Variants in TMEFF2 observed in about 807,000 individuals in gnomAD.
TMEFF2 encodes transmembrane protein with EGF like and two follistatin like domains 2, also known as tomoregulin-2.
In TMEFF2, 28 loss-of-function variants were observed where a neutral mutation model predicts 53.8. The observed-to-expected ratio is 0.52, with a 90% CI of 0.39 to 0.71. The LOEUF is 0.71. Among genes scored for constraint, TMEFF2 ranks in the 30% least tolerant of loss-of-function variants. The pLI, the probability that TMEFF2 is intolerant of heterozygous loss-of-function variation, is 0.00. For synonymous variants in TMEFF2, 162 were observed against 166.3 expected (o/e 0.97, Z 0.20); for missense variants, 353 against 455.2 (o/e 0.78, Z 2.04).
Position 192,132,101 on chromosome 2 carries a change from C to T in TMEFF2, c.439+47567G>A, listed in dbSNP as rs573673119. Among the ~76,000 whole-genome samples, 74 of 151,882 alleles carry T rather than the reference C, an allele frequency of 4.9e-4. 1 individual carries two copies. The highest frequency in any genetic ancestry group is 3.4e-3 in the Middle Eastern group (1 of 294). On this transcript the variant is annotated intron_variant, in intron 4 of 9. Coordinates refer to ENST00000272771, the MANE Select transcript of TMEFF2 (RefSeq NM_016192.4). ...TTTCTACAGACCCATCTGACCTCTC[C>T]CCTCCTCGCCAGGCCAAGCTAGGCC...
At chr2:191,970,278 G>C (rs1434698634) in intron 7 of TMEFF2, among the ~76,000 whole-genome samples, 1 of 151,748 alleles carries the variant, frequency 6.6e-6, no homozygotes, top group Non-Finnish European at 1.5e-5. Context: ...GGAACCAATA[G>C]TTTATTGGTT....
chr2:192,165,696 C>G (rs374462443), intron 4 of TMEFF2, among the ~76,000 whole-genome samples: 3 of 151,116 alleles, frequency 2.0e-5, no homozygotes, highest in African/African-American at 7.3e-5. Context: ...CCCCAGGGAA[C>G]AGTAGGCAAC....
intron 4 of TMEFF2, among the ~76,000 whole-genome samples, chr2:192,139,766 A>G (rs1275614761): frequency 6.6e-6 from 1 of 152,132 alleles, no homozygotes; most frequent in African/African-American, 2.4e-5. Flanking sequence ...TATAAATCAC[A>G]CTTTAAAAAT....
At chr2:192,112,512 A>T (rs1689305728) in intron 4 of TMEFF2, among the ~76,000 whole-genome samples, 1 of 152,168 alleles carries the variant, frequency 6.6e-6, no homozygotes, top group Admixed American at 6.6e-5. Flanking sequence ...TTTTGATTTT[A>T]CAGGCTCATA....
intron 4 of TMEFF2, among the ~76,000 whole-genome samples, chr2:192,078,810 T>C (rs544574710): frequency 6.6e-6 from 1 of 152,314 alleles, no homozygotes. Context: ...TTCTCAAACT[T>C]AAGAGCACAC....
chr2:192,075,332 T>TACACACAC lies in TMEFF2; in HGVS notation c.440-17558_440-17557insGTGTGTGT, dbSNP rs1553518845. On this transcript the variant is annotated intron_variant, in intron 4 of 9. Coordinates refer to ENST00000272771, the MANE Select transcript of TMEFF2 (RefSeq NM_016192.4). The stretch of plus-strand genomic sequence containing the variant: ...ATATATATATATATATATATATATA[T>TACACACAC]ACATACATACTATGTATATCCTTGC... Among the ~76,000 whole-genome samples the TACACACAC allele has an allele frequency of 1.2e-3, 109 of 88,138 alleles. 2 individuals carry two copies. Among genetic ancestry groups the TACACACAC allele is most frequent in the East Asian group, 2.9e-3 (4 of 1,356 alleles). The allele number at this position is 88,138 out of a possible 152,430, so 57.8% of individuals were successfully genotyped here. A position where few individuals can be genotyped will look rare whatever the true frequency, so the allele number is the denominator to read the frequency against.
At chr2:191,957,835 AT>A (rs536294270) in intron 7 of TMEFF2, among the ~76,000 whole-genome samples, 1 of 152,258 alleles carries the variant, frequency 6.6e-6, no homozygotes, top group Non-Finnish European at 1.5e-5. Flanking sequence ...ATGGTTGGTG[AT>A]TTTTTTGTTT....
At chr2:191,997,342 T>A (rs1232200941) in intron 7 of TMEFF2, among the ~76,000 whole-genome samples, 1 of 148,538 alleles carries the variant, frequency 6.7e-6, no homozygotes, top group Non-Finnish European at 1.5e-5. Flanking sequence ...GATCTCTATA[T>A]TAACTAATTT....
At chr2:191,956,448 G>C (rs752646960) in intron 7 of TMEFF2, 70 bp from the exon 8 acceptor site, 8 of 1,514,322 alleles carry the variant, frequency 5.3e-6, no homozygotes, top group African/African-American at 1.4e-5. Context: ...AGTACATTAA[G>C]AAGCAAAGCT....
intron 4 of TMEFF2, chr2:192,177,603 T>C (rs191804785): frequency 1.3e-5 from 2 of 151,164 alleles, no homozygotes; most frequent in Admixed American, 6.6e-5. Flanking sequence ...TTATATGCTT[T>C]TTTTTTCTAA....
Position 192,081,800 on chromosome 2 carries a change from CTTTTT to C in TMEFF2, c.440-24030_440-24026del, listed in dbSNP as rs900552541. On this transcript the variant is annotated intron_variant, in intron 4 of 9. Transcript: ENST00000272771. Reference sequence around the variant, plus strand: ...GTACCATAATTATTAAACGATTTCCCTTTTTTTTTTTTTTTTTTTGACATGGAGTC... The same window carrying C: ...GTACCATAATTATTAAACGATTTCCCTTTTTTTTTTTTTTGACATGGAGTC... Among the ~76,000 whole-genome samples the C allele has an allele frequency of 3.7e-4, 48 of 130,348 alleles. No homozygotes were observed. The East Asian group carries it at 7.5e-3, about 20-fold the overall frequency. 85.5% of individuals were successfully genotyped at this position (130,348 alleles called of 152,430 possible).
At position 192,123,640 on chromosome 2, in the gene TMEFF2, C is replaced by T. The variant is rs892915869; in HGVS notation, c.439+56028G>A. 4.6e-5 allele frequency among the ~76,000 whole-genome samples: 7 copies of T among 152,160 alleles called. No individual in the cohort carries two copies. The East Asian group carries it at 9.6e-4, about 21-fold the overall frequency. On this transcript the variant is annotated intron_variant, in intron 4 of 9. Coordinates refer to ENST00000272771, the MANE Select transcript of TMEFF2 (RefSeq NM_016192.4). Reference sequence around the variant, plus strand: ...CTGATATTCCACTACAACCCAACATCGGAATCCTTAATGTAAAGTTTCAAC... The same window carrying T: ...CTGATATTCCACTACAACCCAACATTGGAATCCTTAATGTAAAGTTTCAAC...
intron 4 of TMEFF2, among the ~76,000 whole-genome samples, chr2:192,063,880 A>C (rs186764221): frequency 1.3e-5 from 2 of 151,816 alleles, no homozygotes; most frequent in East Asian, 3.9e-4. Flanking sequence ...TCACCAGCTT[A>C]ATTTTTTGCT....
At chr2:192,105,152 T>C (rs1293148709) in intron 4 of TMEFF2, among the ~76,000 whole-genome samples, 1 of 152,008 alleles carries the variant, frequency 6.6e-6, no homozygotes, top group Non-Finnish European at 1.5e-5. Flanking sequence ...TGACCTACTC[T>C]AAAGTGACAC....
chr2:192,084,173 C>G (rs1371466927), intron 4 of TMEFF2, among the ~76,000 whole-genome samples: 1 of 152,172 alleles, frequency 6.6e-6, no homozygotes, highest in African/African-American at 2.4e-5. Flanking sequence ...TAAAGTCAGG[C>G]TCTTCCGCTG....
intron 4 of TMEFF2, among the ~76,000 whole-genome samples, chr2:192,100,160 A>G (rs1327628250): frequency 6.6e-6 from 1 of 152,270 alleles, no homozygotes; most frequent in East Asian, 1.9e-4. Context: ...TTAAACAAAC[A>G]TATATTGAGT....
At chr2:192,161,370 C>G (rs1285306923) in intron 4 of TMEFF2, among the ~76,000 whole-genome samples, 1 of 151,936 alleles carries the variant, frequency 6.6e-6, no homozygotes, top group Non-Finnish European at 1.5e-5. Flanking sequence ...CCAGGCTGGT[C>G]TTGAACTCCT....
At chr2:192,185,906 T>C (rs374585757) in intron 2 of TMEFF2, among the ~76,000 whole-genome samples, 2 of 152,206 alleles carry the variant, frequency 1.3e-5, no homozygotes, top group East Asian at 3.9e-4. Context: ...AATGTTTTGG[T>C]AATTGTGATC....
intron 5 of TMEFF2, among the ~76,000 whole-genome samples, chr2:192,035,809 G>T (rs1418297846): frequency 6.6e-6 from 1 of 152,164 alleles, no homozygotes; most frequent in Admixed American, 6.5e-5. Context: ...AGCTGAATCA[G>T]AACATAACTT....
Sources: gnomAD v4.1 joint callset for allele counts (sites outside exome capture counted in the v4.1 genomes callset) on GRCh38, gnomAD v4.1.1 for gene constraint, MANE v1.5 for transcripts, NCBI Gene and HGNC (gene_info 2026-07-23, HGNC 2026-07-21) for gene names.